Variants in ZBTB20 observed in about 807,000 individuals in gnomAD.
The protein encoded by ZBTB20 is zinc finger and BTB domain-containing protein 20.
ZBTB20 carries 9 observed loss-of-function variants against 56.9 expected under a neutral mutation model. The ratio of observed to expected loss-of-function variants is 0.16; its 90% confidence interval spans 0.10 to 0.28. The LOEUF (loss-of-function observed/expected upper bound fraction) is 0.28. ZBTB20 is among the 10% of genes least tolerant of loss of function. The pLI, the probability that ZBTB20 is intolerant of heterozygous loss-of-function variation, is 1.00. For missense variants in ZBTB20, 655 were observed against 1,003.0 expected, an observed-to-expected ratio of 0.65 and a Z score of 4.69; for synonymous variants, 417 against 420.7, an observed-to-expected ratio of 0.99 and a Z score of 0.11.
chr3:114,648,629 A>C (rs2059972220), intron 6 of ZBTB20, among the ~76,000 whole-genome samples: 1 of 152,070 alleles, frequency 6.6e-6, no homozygotes, highest in Non-Finnish European at 1.5e-5. Flanking sequence ...TGTACATAAA[A>C]ATCTAGAAGA....
intron 2 of ZBTB20, among the ~76,000 whole-genome samples, chr3:115,031,846 T>C (rs1268282987): frequency 6.6e-6 from 1 of 151,450 alleles, no homozygotes; most frequent in Non-Finnish European, 1.5e-5. Flanking sequence ...AAAATGTGCT[T>C]CCATTAGGTG....
intron 3 of ZBTB20, among the ~76,000 whole-genome samples, chr3:114,903,270 A>G (rs997430054): frequency 2.0e-5 from 3 of 152,244 alleles, no homozygotes; most frequent in African/African-American, 4.8e-5. Context: ...TACTCACCCT[A>G]CGAGGTTGTC....
At chr3:114,683,375 G>C (rs2062102528) in intron 6 of ZBTB20, among the ~76,000 whole-genome samples, 1 of 152,262 alleles carries the variant, frequency 6.6e-6, no homozygotes, top group South Asian at 2.1e-4. Flanking sequence ...ATCAGGCTAT[G>C]AATGGACAAT....
chr3:114,980,664 T>C (rs941193478), intron 2 of ZBTB20, among the ~76,000 whole-genome samples: 3 of 151,944 alleles, frequency 2.0e-5, no homozygotes. Flanking sequence ...AATACTCTTA[T>C]TCCTGAGTAT....
At chr3:114,867,514 C>A (rs1373423836) in intron 4 of ZBTB20, among the ~76,000 whole-genome samples, 1 of 152,184 alleles carries the variant, frequency 6.6e-6, no homozygotes, top group Non-Finnish European at 1.5e-5. Context: ...CGTCTCATTG[C>A]AACCTCCACC....
intron 7 of ZBTB20, among the ~76,000 whole-genome samples, chr3:114,399,282 G>A (rs1373468034): frequency 6.6e-6 from 1 of 152,084 alleles, no homozygotes; most frequent in Non-Finnish European, 1.5e-5. Flanking sequence ...GGAGTATTTT[G>A]CTACCTTCCT....
At chr3:114,345,645 G>A (rs2080126126) in intron 11 of ZBTB20, among the ~76,000 whole-genome samples, 2 of 152,132 alleles carry the variant, frequency 1.3e-5, no homozygotes, top group Non-Finnish European at 2.9e-5. Context: ...CATGAACCAG[G>A]GCTTGTTACA....
intron 10 of ZBTB20, among the ~76,000 whole-genome samples, chr3:114,371,879 A>G (rs1260152344): frequency 6.6e-6 from 1 of 152,040 alleles, no homozygotes; most frequent in Admixed American, 6.5e-5. Context: ...CACATTCCTC[A>G]GAGAGAACAA....
intron 6 of ZBTB20, among the ~76,000 whole-genome samples, chr3:114,629,087 G>A (rs1345901388): frequency 6.6e-6 from 1 of 152,122 alleles, no homozygotes; most frequent in East Asian, 1.9e-4. Flanking sequence ...TTCAGTGTCA[G>A]TATTCTGGAA....
chr3:114,674,216 T>C (rs556269789), intron 6 of ZBTB20, among the ~76,000 whole-genome samples: 8 of 152,310 alleles, frequency 5.3e-5, no homozygotes, highest in South Asian at 2.1e-4. Context: ...TAAAGGGCTA[T>C]AGAAATCTTA....
chr3:114,950,436 T>C (rs888405980), intron 3 of ZBTB20, among the ~76,000 whole-genome samples: 1 of 152,096 alleles, frequency 6.6e-6, no homozygotes, highest in African/African-American at 2.4e-5. Flanking sequence ...TCTCAAAACA[T>C]CTTTTTGTAC....
intron 7 of ZBTB20, among the ~76,000 whole-genome samples, chr3:114,477,207 G>A (rs1324174726): frequency 6.6e-6 from 1 of 152,108 alleles, no homozygotes; most frequent in African/African-American, 2.4e-5. Flanking sequence ...CAGGCTAAAT[G>A]CTTATTTCAA....
intron 6 of ZBTB20, among the ~76,000 whole-genome samples, chr3:114,532,970 A>G (rs1475344549): frequency 6.6e-6 from 1 of 152,226 alleles, no homozygotes. Flanking sequence ...TGTCCACACA[A>G]AAACCCCATC....
At chr3:114,846,804 G>T (rs2074727184) in intron 4 of ZBTB20, among the ~76,000 whole-genome samples, 2 of 152,046 alleles carry the variant, frequency 1.3e-5, no homozygotes, top group East Asian at 3.9e-4. Flanking sequence ...TTTCTTAAAA[G>T]ATAATAAGAA....
At chr3:114,523,499 G>C (rs189701473) in intron 6 of ZBTB20, among the ~76,000 whole-genome samples, 12 of 152,150 alleles carry the variant, frequency 7.9e-5, no homozygotes, top group African/African-American at 1.7e-4. Context: ...ATACTGATAG[G>C]AAAGTTTTGA....
At chr3:114,718,210 C>T (rs917760334) in intron 5 of ZBTB20, among the ~76,000 whole-genome samples, 1 of 152,104 alleles carries the variant, frequency 6.6e-6, no homozygotes, top group African/African-American at 2.4e-5. Flanking sequence ...AATTGCTCCA[C>T]CCAGTTTCTT....
At chr3:115,024,450 A>G (rs893381001) in intron 2 of ZBTB20, among the ~76,000 whole-genome samples, 1 of 151,034 alleles carries the variant, frequency 6.6e-6, no homozygotes, top group East Asian at 2.0e-4. Context: ...TATTCCTTGG[A>G]TTTTCCCCAT....
intron 4 of ZBTB20, among the ~76,000 whole-genome samples, chr3:114,844,108 A>G (rs2074528540): frequency 1.3e-5 from 2 of 151,940 alleles, no homozygotes; most frequent in Non-Finnish European, 2.9e-5. Context: ...GTATGTCTAT[A>G]CAGTGGAATA....
At chr3:114,738,347 A>G (rs2066332875) in intron 5 of ZBTB20, among the ~76,000 whole-genome samples, 1 of 152,082 alleles carries the variant, frequency 6.6e-6, no homozygotes, top group African/African-American at 2.4e-5. Context: ...TTAATAATTC[A>G]TATTTTTGTC....
Sources: allele counts gnomAD v4.1 joint callset (sites outside exome capture counted in the v4.1 genomes callset), GRCh38; gene constraint gnomAD v4.1.1; transcripts MANE v1.5; gene names NCBI Gene and HGNC (gene_info 2026-07-23, HGNC 2026-07-21).